TRAF2: variants seen among roughly 807,000 people sequenced by gnomAD.
TRAF2 encodes the protein TNF receptor-associated factor 2.
TRAF2 carries 6 observed loss-of-function variants against 55.6 expected under a neutral mutation model. The ratio of observed to expected loss-of-function variants is 0.11; its 90% CI spans 0.06 to 0.21. TRAF2 has a LOEUF of 0.21. TRAF2 is among the 10% of genes least tolerant of loss of function. The pLI is 1.00. For synonymous variants in TRAF2, 329 were observed against 276.3 expected (o/e 1.19, Z -1.89); for missense variants, 561 against 684.5 (o/e 0.82, Z 2.01).
At chr9:136,897,187 T>C (rs1266899084) in intron 1 of TRAF2, among the ~76,000 whole-genome samples, 1 of 151,924 alleles carries the variant, frequency 6.6e-6, no homozygotes, top group Non-Finnish European at 1.5e-5. Flanking sequence ...GAGGAAGAGC[T>C]GCGGTTAATT....
intron 4 of TRAF2, among the ~76,000 whole-genome samples, chr9:136,904,210 CTAT>C: frequency 6.6e-6 from 1 of 151,788 alleles, no homozygotes; most frequent in Admixed American, 6.6e-5. Context: ...CATTTTATTA[CTAT>C]TATTTTTAGA....
intron 4 of TRAF2, among the ~76,000 whole-genome samples, chr9:136,903,398 A>T (rs1283588282): frequency 6.6e-6 from 1 of 152,202 alleles, no homozygotes; most frequent in Non-Finnish European, 1.5e-5. Context: ...GAGAGGACAT[A>T]GGCTGGCTGC....
At chr9:136,923,777 G>A in intron 9 of TRAF2, 75 bp from the exon 10 acceptor site, 1 of 1,516,862 alleles carries the variant, frequency 6.6e-7, no homozygotes, top group South Asian at 1.2e-5. Flanking sequence ...CCTGGGGGAG[G>A]GCAGCCAGGC....
intron 7 of TRAF2, among the ~76,000 whole-genome samples, chr9:136,917,897 G>C (rs1850278853): frequency 6.6e-6 from 1 of 152,096 alleles, no homozygotes; most frequent in African/African-American, 2.4e-5. Flanking sequence ...GGTGCTTGCT[G>C]CCGCCACCGT....
At chr9:136,906,907 G>A (rs566503220) in intron 4 of TRAF2, among the ~76,000 whole-genome samples, 30 of 152,298 alleles carry the variant, frequency 2.0e-4, no homozygotes, top group African/African-American at 4.6e-4. Flanking sequence ...TGACTGCTGC[G>A]GCTTCCCAAC....
upstream of TRAF2, among the ~76,000 whole-genome samples, chr9:136,883,152 G>T (rs1849393788): frequency 6.6e-6 from 1 of 151,898 alleles, no homozygotes; most frequent in East Asian, 1.9e-4. Context: ...TTACAGGCGT[G>T]AGCCACCATG....
At chr9:136,908,252 G>C in intron 5 of TRAF2, 21 bp downstream of exon 5, 5 of 1,546,762 alleles carry the variant, frequency 3.2e-6, no homozygotes, top group Non-Finnish European at 4.3e-6. Flanking sequence ...TGGAGCAGCA[G>C]CCTGTGTGGC....
intron 4 of TRAF2, among the ~76,000 whole-genome samples, chr9:136,902,941 C>G (rs1002577524): frequency 2.0e-5 from 3 of 151,884 alleles, no homozygotes; most frequent in African/African-American, 4.8e-5. Context: ...TGCAATGATG[C>G]CTTTCTAGGA....
upstream of TRAF2, chr9:136,882,876 CAATCAATATT>C (rs1289449461): frequency 1.7e-5 from 6 of 361,762 alleles, no homozygotes; most frequent in Non-Finnish European, 2.3e-5. Context: ...CCTGTCATCA[CAATCAATATT>C]ATTAGACAGA....
chr9:136,900,122 G>A (rs975478533), intron 3 of TRAF2, among the ~76,000 whole-genome samples: 2 of 149,066 alleles, frequency 1.3e-5, no homozygotes, highest in Non-Finnish European at 1.5e-5. Flanking sequence ...AGCCAAGATC[G>A]CATGCCACTG....
chr9:136,924,901 G>A (rs1459909546), intron 10 of TRAF2, among the ~76,000 whole-genome samples: 3 of 152,040 alleles, frequency 2.0e-5, no homozygotes, highest in Non-Finnish European at 4.4e-5. Context: ...ACCACGCCCA[G>A]CTAATTTTTG....
chr9:136,906,182 T>TATA (rs1245133525), intron 4 of TRAF2, among the ~76,000 whole-genome samples: 1 of 152,170 alleles, frequency 6.6e-6, no homozygotes, highest in Non-Finnish European at 1.5e-5. Context: ...CCTGTATTCC[T>TATA]ATAGTCCCAG....
chr9:136,919,509 A>G (rs1030937919), intron 7 of TRAF2, among the ~76,000 whole-genome samples: 5 of 151,684 alleles, frequency 3.3e-5, no homozygotes, highest in African/African-American at 9.7e-5. Context: ...TGGTCAGGCT[A>G]GTCTCGAACT....
intron 4 of TRAF2, among the ~76,000 whole-genome samples, chr9:136,906,855 A>G (rs527944021): frequency 6.6e-6 from 1 of 152,056 alleles, no homozygotes; most frequent in Non-Finnish European, 1.5e-5. Context: ...CTCCCGTTAC[A>G]CTAGCACCTT....
intron 6 of TRAF2, 65 bp from the exon 7 acceptor site, chr9:136,916,476 C>A: frequency 6.6e-7 from 1 of 1,519,100 alleles, no homozygotes; most frequent in South Asian, 1.1e-5. Flanking sequence ...CAGTGTGGTC[C>A]ATGTGGAAGT....
intron 6 of TRAF2, among the ~76,000 whole-genome samples, chr9:136,913,554 C>A (rs1175646348): frequency 6.6e-6 from 1 of 152,026 alleles, no homozygotes; most frequent in Non-Finnish European, 1.5e-5. Context: ...GCCTCGGCCT[C>A]CCAAAGTGCT....
At chr9:136,893,762 T>C (rs1849626765) in intron 1 of TRAF2, among the ~76,000 whole-genome samples, 1 of 152,198 alleles carries the variant, frequency 6.6e-6, no homozygotes, top group South Asian at 2.1e-4. Flanking sequence ...TTTTACTTTT[T>C]TTTTCGAGAC....
At chr9:136,882,049 G>A, upstream of TRAF2, 3 of 985,482 alleles carry the variant, frequency 3.0e-6, no homozygotes, top group South Asian at 9.4e-5. Flanking sequence ...CACTTCCCCT[G>A]GGGACAGCAC....
chr9:136,906,501 G>A lies in TRAF2; in HGVS notation c.367-1569G>A, dbSNP rs546441730. 1.4e-3 allele frequency among the ~76,000 whole-genome samples: 218 copies of A among 152,100 alleles called. 2 individuals are homozygous for A. Among genetic ancestry groups the A allele is most frequent in the Admixed American group, 4.3e-3 (65 of 15,272 alleles). ...AGACTTACTATCACGAGAGCAGCAC[G>A]GGAAAAACCCACCCCATGATTCAAT... On this transcript the variant is annotated intron_variant, in intron 4 of 10. Transcript: ENST00000247668.
Sources: gnomAD v4.1 joint callset for allele counts (sites outside exome capture counted in the v4.1 genomes callset) on GRCh38, gnomAD v4.1.1 for gene constraint, MANE v1.5 for transcripts, NCBI Gene and HGNC (gene_info 2026-07-23, HGNC 2026-07-21) for gene names.